Variants in SYN3 observed in about 807,000 individuals in gnomAD.
The protein encoded by SYN3 is synapsin-3.
Under a neutral mutation model 65.8 loss-of-function variants are expected in SYN3, and 35 were observed. The ratio of observed to expected loss-of-function variants is 0.53; its 90% CI spans 0.41 to 0.70. The LOEUF is 0.70. Among genes scored for constraint, SYN3 ranks in the 30% least tolerant of loss-of-function variants. The pLI, the probability that SYN3 is intolerant of heterozygous loss-of-function variation, is 0.00. For synonymous variants in SYN3, 270 were observed against 292.9 expected, an observed-to-expected ratio of 0.92 and a Z score of 0.80; for missense variants, 680 against 749.0, an observed-to-expected ratio of 0.91 and a Z score of 1.08.
intron 6 of SYN3, among the ~76,000 whole-genome samples, chr22:32,765,799 G>T (rs1569207615): frequency 6.6e-6 from 1 of 152,170 alleles, no homozygotes; most frequent in Admixed American, 6.5e-5. Context: ...CTGAATGCAG[G>T]ATCTTGTGTT....
At chr22:32,885,592 G>T (rs574118723) in intron 4 of SYN3, among the ~76,000 whole-genome samples, 1 of 151,032 alleles carries the variant, frequency 6.6e-6, no homozygotes, top group Non-Finnish European at 1.5e-5. Flanking sequence ...ATAGAGTCTC[G>T]CTCTGTTGCC....
chr22:33,035,648 A>C (rs1039017630), intron 1 of SYN3, among the ~76,000 whole-genome samples: 4 of 152,226 alleles, frequency 2.6e-5, no homozygotes, highest in African/African-American at 4.8e-5. Flanking sequence ...GCACGATCAC[A>C]GCTGACTGCA....
intron 6 of SYN3, among the ~76,000 whole-genome samples, chr22:32,707,557 T>C (rs981535867): frequency 6.6e-6 from 1 of 152,240 alleles, no homozygotes; most frequent in African/African-American, 2.4e-5. Flanking sequence ...TACCTCCAGG[T>C]AAGTAAACTT....
In SYN3 at chr22:32,598,983, A is replaced by G. The variant is rs570073625; in HGVS notation, c.712-2247T>C. Among the ~76,000 whole-genome samples, 6 of 152,296 alleles carry G rather than the reference A, an allele frequency of 3.9e-5. No homozygotes were observed. The East Asian group carries it at 1.2e-3, about 29-fold the overall frequency. ...AGTTACCTTATTGATTGATATATAT[A>G]TCAATTACCTTAAGTATAAAGACGT... On this transcript the variant is annotated intron_variant, in intron 6 of 13. Coordinates refer to ENST00000358763, the MANE Select transcript of SYN3 (RefSeq NM_003490.4).
intron 6 of SYN3, among the ~76,000 whole-genome samples, chr22:32,661,610 A>G (rs2060218004): frequency 6.6e-6 from 1 of 152,132 alleles, no homozygotes; most frequent in Non-Finnish European, 1.5e-5. Flanking sequence ...TTGGCTCCAC[A>G]GCTGCCCTAG....
intron 6 of SYN3, among the ~76,000 whole-genome samples, chr22:32,823,828 G>A (rs1176985862): frequency 1.3e-5 from 2 of 152,110 alleles, no homozygotes; most frequent in Non-Finnish European, 2.9e-5. Flanking sequence ...TGCCTCCAGA[G>A]CCCCATGTCC....
chr22:33,021,788 T>A (rs1378878102), intron 1 of SYN3, among the ~76,000 whole-genome samples: 8 of 44,166 alleles, frequency 1.8e-4, no homozygotes, highest in East Asian at 1.2e-3. Context: ...TAACTTATTT[T>A]TTTTTTTTTT....
At chr22:32,928,648 G>A (rs2050543380) in intron 4 of SYN3, among the ~76,000 whole-genome samples, 1 of 152,034 alleles carries the variant, frequency 6.6e-6, no homozygotes, top group South Asian at 2.1e-4. Flanking sequence ...GAGTCTTGGT[G>A]TGGAATTATT....
intron 10 of SYN3, among the ~76,000 whole-genome samples, chr22:32,532,409 C>G (rs1347663486): frequency 3.9e-5 from 6 of 152,398 alleles, no homozygotes; most frequent in African/African-American, 1.4e-4. Flanking sequence ...TGTTCCCAGC[C>G]CCTTCCATGG....
At chr22:32,590,966 T>C (rs1337569050) in intron 7 of SYN3, among the ~76,000 whole-genome samples, 1 of 152,228 alleles carries the variant, frequency 6.6e-6, no homozygotes, top group Non-Finnish European at 1.5e-5. Flanking sequence ...ACATTCTTAA[T>C]AATGACGGGC....
chr22:32,769,577 C>T (rs1014042208), intron 6 of SYN3, among the ~76,000 whole-genome samples: 5 of 150,524 alleles, frequency 3.3e-5, no homozygotes, highest in African/African-American at 9.8e-5. Flanking sequence ...AGTACAGTGG[C>T]GCGATCTCGG....
chr22:32,621,428 G>T (rs1394874477), intron 6 of SYN3, among the ~76,000 whole-genome samples: 2 of 152,048 alleles, frequency 1.3e-5, no homozygotes, highest in African/African-American at 4.8e-5. Context: ...TTTTAGAGGG[G>T]ATAATGATTC....
Position 32,868,987 on chromosome 22 carries a change from G to C in SYN3, c.600C>G (p.Asn200Lys). 6.2e-7 allele frequency: 1 copy of C among 1,614,034 alleles called. No homozygotes were observed. Among genetic ancestry groups the C allele is most frequent in the Non-Finnish European group, 8.5e-7 (1 of 1,179,968 alleles). Reference protein sequence around the residue: ...PAVNSLYSVYNFCSKPWVFSQ... With the variant: ...PAVNSLYSVYKFCSKPWVFSQ... ...CTACCACCCAGGGCTTGCTGCAGAA[G>C]TTGTAGACGGAGTAGAGAGAGTTGA... Residue 200 changes from asparagine (N) to lysine (K), a missense_variant, in exon 5 of 14, where the codon AAC becomes AAG. By Grantham distance (94) the Asn-to-Lys change is moderately conservative. Coordinates refer to ENST00000358763, the MANE Select transcript of SYN3 (RefSeq NM_003490.4).
intron 7 of SYN3, among the ~76,000 whole-genome samples, chr22:32,561,248 A>T (rs1442515962): frequency 6.6e-6 from 1 of 152,194 alleles, no homozygotes; most frequent in Non-Finnish European, 1.5e-5. Context: ...CCCTGAGGCC[A>T]GCAGGAGAGA....
intron 6 of SYN3, among the ~76,000 whole-genome samples, chr22:32,832,552 T>C (rs2146136491): frequency 6.6e-6 from 1 of 152,048 alleles, no homozygotes; most frequent in East Asian, 1.9e-4. Flanking sequence ...TTTTTTTTTT[T>C]TTTCAAAAAA....
At chr22:32,678,024 G>C (rs1235749296) in intron 6 of SYN3, among the ~76,000 whole-genome samples, 1 of 152,148 alleles carries the variant, frequency 6.6e-6, no homozygotes, top group Non-Finnish European at 1.5e-5. Flanking sequence ...TCATGAGGAA[G>C]GTGAGGCCTC....
At chr22:32,833,702 C>T in intron 6 of SYN3, 1 of 463,202 alleles carries the variant, frequency 2.2e-6, no homozygotes, top group Non-Finnish European at 4.3e-6. Context: ...CATGCTATGT[C>T]CACCACTTCC....
At chr22:33,022,818 A>C (rs953053791) in intron 1 of SYN3, among the ~76,000 whole-genome samples, 2 of 152,240 alleles carry the variant, frequency 1.3e-5, no homozygotes, top group Non-Finnish European at 2.9e-5. Flanking sequence ...ACAAGGTCCC[A>C]AAAAATTTTC....
At chr22:32,805,940 G>A (rs1347259471) in intron 6 of SYN3, among the ~76,000 whole-genome samples, 2 of 151,826 alleles carry the variant, frequency 1.3e-5, no homozygotes, top group Non-Finnish European at 2.9e-5. Flanking sequence ...CTTTAGGGAG[G>A]GAGAGCTTAT....
Sources: gnomAD v4.1 joint callset for allele counts (sites outside exome capture counted in the v4.1 genomes callset) on GRCh38, gnomAD v4.1.1 for gene constraint, MANE v1.5 for transcripts, NCBI Gene and HGNC (gene_info 2026-07-23, HGNC 2026-07-21) for gene names.